Variants in NKAIN2 observed in about 807,000 individuals in gnomAD.
NKAIN2 encodes sodium/potassium-transporting ATPase subunit beta-1-interacting protein 2.
A neutral mutation model predicts 32.6 loss-of-function variants in NKAIN2; 14 were observed. The ratio of observed to expected loss-of-function variants is 0.43; its 90% CI spans 0.28 to 0.67. The LOEUF is 0.67. NKAIN2 is among the 30% of genes least tolerant of loss of function. NKAIN2 has a pLI of 0.17. For missense variants in NKAIN2, 198 were observed against 258.3 expected, an observed-to-expected ratio of 0.77 and a Z score of 1.60; for synonymous variants, 80 against 87.2, an observed-to-expected ratio of 0.92 and a Z score of 0.46.
In NKAIN2 at chr6:123,948,576, C is replaced by T. The variant is rs1269394445; in HGVS notation, c.54+144322C>T. ...TCATCTGAGAAATCTCTATACAAAT[C>T]GTTTCCCCATCTTAAATGGGATTTT... On this transcript the variant is annotated intron_variant, in intron 1 of 6. Transcript: ENST00000368417. Among the ~76,000 whole-genome samples the T allele has an allele frequency of 8.7e-5, 11 of 125,920 alleles. No homozygotes were observed. The East Asian group carries it at 2.4e-3, about 28-fold the overall frequency. The allele number at this position is 125,920 out of a possible 152,430, so 82.6% of individuals were successfully genotyped here.
At chr6:124,330,872 A>G (rs558575488) in intron 2 of NKAIN2, among the ~76,000 whole-genome samples, 1 of 152,066 alleles carries the variant, frequency 6.6e-6, no homozygotes, top group Non-Finnish European at 1.5e-5. Context: ...CGCCAACCCT[A>G]TTGTGAATTG....
chr6:124,559,945 G>A (rs944886090), intron 3 of NKAIN2, among the ~76,000 whole-genome samples: 25 of 136,774 alleles, frequency 1.8e-4, no homozygotes, highest in African/African-American at 5.5e-4. Flanking sequence ...CCCACACTTC[G>A]GCTTATGTTA....
At chr6:123,937,244 A>G (rs1041307019) in intron 1 of NKAIN2, among the ~76,000 whole-genome samples, 3 of 152,220 alleles carry the variant, frequency 2.0e-5, no homozygotes, top group South Asian at 2.1e-4. Context: ...AGTTAAAACC[A>G]TGCTTTGAGT....
At chr6:124,014,639 T>C (rs1298237835) in intron 1 of NKAIN2, among the ~76,000 whole-genome samples, 1 of 152,006 alleles carries the variant, frequency 6.6e-6, no homozygotes, top group African/African-American at 2.4e-5. Context: ...TTTTTCTTTT[T>C]ACCTAATTAA....
At chr6:124,736,144 G>A (rs1021216164) in intron 4 of NKAIN2, among the ~76,000 whole-genome samples, 1 of 151,864 alleles carries the variant, frequency 6.6e-6, no homozygotes, top group Non-Finnish European at 1.5e-5. Context: ...TGATAAGAAA[G>A]AGAAACATCC....
At chr6:124,300,525 A>G (rs1796250321) in intron 2 of NKAIN2, among the ~76,000 whole-genome samples, 1 of 152,214 alleles carries the variant, frequency 6.6e-6, no homozygotes, top group Non-Finnish European at 1.5e-5. Context: ...GAAAATGTGG[A>G]AGTGACTTTG....
intron 4 of NKAIN2, among the ~76,000 whole-genome samples, chr6:124,662,203 T>C (rs1228553006): frequency 6.6e-6 from 1 of 152,212 alleles, no homozygotes; most frequent in Admixed American, 6.5e-5. Context: ...TGAAGAGGGA[T>C]GTGCCTCACA....
intron 3 of NKAIN2, among the ~76,000 whole-genome samples, chr6:124,450,036 C>CT (rs1286741054): frequency 2.4e-4 from 36 of 152,036 alleles, no homozygotes; most frequent in Admixed American, 2.4e-3. Context: ...CAGAATGAAG[C>CT]TTTAGCTTGC....
At chr6:124,749,171 C>T (rs1362054326) in intron 4 of NKAIN2, among the ~76,000 whole-genome samples, 1 of 151,896 alleles carries the variant, frequency 6.6e-6, no homozygotes, top group African/African-American at 2.4e-5. Flanking sequence ...CCAGGTCTCT[C>T]TGCTTGAGTC....
At chr6:124,591,673 TAGAG>T (rs1267852200) in intron 3 of NKAIN2, among the ~76,000 whole-genome samples, 6 of 152,304 alleles carry the variant, frequency 3.9e-5, no homozygotes, top group African/African-American at 7.2e-5. Context: ...GTACAAATAA[TAGAG>T]AGAACCAGTA....
Position 124,459,615 on chromosome 6 carries a change from C to T in NKAIN2, c.273+104268C>T, listed in dbSNP as rs547315610. Among the ~76,000 whole-genome samples, 4 of 151,740 alleles carry T rather than the reference C, an allele frequency of 2.6e-5. No homozygotes were observed. The South Asian group carries it at 8.3e-4, about 31-fold the overall frequency. Reference sequence around the variant, plus strand: ...TGCTCTGTAAGTTTGTCTTATGATCCGTGTTTTAATTCTGATGAGAGAAGA... The same window carrying T: ...TGCTCTGTAAGTTTGTCTTATGATCTGTGTTTTAATTCTGATGAGAGAAGA... On this transcript the variant is annotated intron_variant, in intron 3 of 6. Transcript: ENST00000368417.
chr6:124,726,124 C>A (rs1776289223), intron 4 of NKAIN2, among the ~76,000 whole-genome samples: 1 of 152,082 alleles, frequency 6.6e-6, no homozygotes, highest in Non-Finnish European at 1.5e-5. Context: ...GGCAGCGAGC[C>A]TGGGGGAGGG....
intron 2 of NKAIN2, among the ~76,000 whole-genome samples, chr6:124,317,160 G>A (rs1231101570): frequency 6.6e-6 from 1 of 152,024 alleles, no homozygotes; most frequent in Non-Finnish European, 1.5e-5. Flanking sequence ...ACTACTGCTG[G>A]GCTCTTGAGA....
intron 3 of NKAIN2, among the ~76,000 whole-genome samples, chr6:124,575,390 A>T (rs1583462863): frequency 6.6e-6 from 1 of 152,360 alleles, no homozygotes; most frequent in African/African-American, 2.4e-5. Context: ...GACATTTATA[A>T]ATTGCTGCCT....
chr6:124,653,470 C>G (rs1024188087), intron 3 of NKAIN2, among the ~76,000 whole-genome samples: 1 of 124,308 alleles, frequency 8.0e-6, no homozygotes, highest in African/African-American at 2.9e-5. Flanking sequence ...AAAAAAAAAT[C>G]TAGACACAAA....
At chr6:124,711,100 G>A in intron 4 of NKAIN2, among the ~76,000 whole-genome samples, 1 of 142,246 alleles carries the variant, frequency 7.0e-6, no homozygotes, top group Non-Finnish European at 1.5e-5. Context: ...AGCTTAGTTT[G>A]GCTGGATATG....
intron 2 of NKAIN2, among the ~76,000 whole-genome samples, chr6:124,314,960 C>G (rs571439153): frequency 1.9e-4 from 29 of 152,100 alleles, no homozygotes; most frequent in African/African-American, 5.3e-4. Flanking sequence ...AATAAAGAGG[C>G]CTTGCTTCAG....
intron 1 of NKAIN2, among the ~76,000 whole-genome samples, chr6:124,106,722 T>C (rs1785137227): frequency 6.6e-6 from 1 of 152,292 alleles, no homozygotes; most frequent in Admixed American, 6.5e-5. Flanking sequence ...AATGAGGACA[T>C]TGGTTGCAGA....
chr6:124,246,122 C>A (rs1306802520), intron 1 of NKAIN2, among the ~76,000 whole-genome samples: 1 of 151,948 alleles, frequency 6.6e-6, no homozygotes, highest in Non-Finnish European at 1.5e-5. Context: ...TCTGTTTTAA[C>A]CATAGTTTCT....
Sources: gnomAD v4.1 joint callset for allele counts (sites outside exome capture counted in the v4.1 genomes callset) on GRCh38, gnomAD v4.1.1 for gene constraint, MANE v1.5 for transcripts, NCBI Gene and HGNC (gene_info 2026-07-23, HGNC 2026-07-21) for gene names.